CTNND2: variants seen among roughly 807,000 people sequenced by gnomAD.
CTNND2 encodes the protein catenin delta-2.
In CTNND2, 22 loss-of-function variants were observed where a neutral mutation model predicts 144.4. The observed-to-expected ratio is 0.15, with a 90% CI of 0.11 to 0.22. The LOEUF (loss-of-function observed/expected upper bound fraction) is 0.22. CTNND2 is among the 10% of genes least tolerant of loss of function. CTNND2 has a pLI of 1.00. For missense variants in CTNND2, 1,353 were observed against 1,618.8 expected (o/e 0.84, Z 2.82); for synonymous variants, 751 against 695.6 (o/e 1.08, Z -1.25).
At chr5:11,270,481 A>G (rs578198497) in intron 9 of CTNND2, among the ~76,000 whole-genome samples, 1 of 152,290 alleles carries the variant, frequency 6.6e-6, no homozygotes, top group African/African-American at 2.4e-5. Flanking sequence ...TAAAAAAAAA[A>G]AAAAAATCCA....
intron 1 of CTNND2, among the ~76,000 whole-genome samples, chr5:11,827,763 C>T (rs900827050): frequency 1.3e-5 from 2 of 152,300 alleles, no homozygotes; most frequent in Admixed American, 1.3e-4. Context: ...GTATAACTTT[C>T]TCCCTCTTAT....
chr5:11,898,317 C>A (rs1737567826), intron 1 of CTNND2, among the ~76,000 whole-genome samples: 1 of 152,204 alleles, frequency 6.6e-6, no homozygotes, highest in Non-Finnish European at 1.5e-5. Flanking sequence ...ATATACCTTT[C>A]TGTGGTTTAT....
At chr5:11,159,823 C>T in intron 11 of CTNND2, 64 bp from the exon 12 acceptor site, 1 of 1,347,108 alleles carries the variant, frequency 7.4e-7, no homozygotes, top group Non-Finnish European at 1.0e-6. Flanking sequence ...CCAAAACTGT[C>T]TTCCTTATTT....
chr5:11,278,361 T>C (rs192110371), intron 9 of CTNND2, among the ~76,000 whole-genome samples: 2 of 152,358 alleles, frequency 1.3e-5, no homozygotes, highest in East Asian at 1.9e-4. Context: ...CAAATATTCA[T>C]GGAGCACCTC....
chr5:11,744,700 T>C (rs201606998), intron 1 of CTNND2, among the ~76,000 whole-genome samples: 2,596 of 136,658 alleles, frequency 0.019, 47 homozygotes, highest in African/African-American at 0.055. Flanking sequence ...TGTGTGCGTG[T>C]GTGTGTGTGT....
At position 11,802,168 on chromosome 5, in the gene CTNND2, G is replaced by T. The variant is rs567135316; in HGVS notation, c.38-69896C>A. Among the ~76,000 whole-genome samples the T allele has an allele frequency of 1.5e-4, 23 of 150,564 alleles. No homozygotes were observed. The East Asian group carries it at 4.1e-3, about 27-fold the overall frequency. On this transcript the variant is annotated intron_variant, in intron 1 of 21. Transcript: ENST00000304623. ...ATGCCTGTAATCCCAGCTACTCAGG[G>T]GGCTGAGGCAGGAGAATCGCTTGAA...
At chr5:11,680,493 A>G (rs1225162246) in intron 2 of CTNND2, among the ~76,000 whole-genome samples, 1 of 152,124 alleles carries the variant, frequency 6.6e-6, no homozygotes, top group Non-Finnish European at 1.5e-5. Context: ...CCTACAACAA[A>G]TGGAATCATG....
chr5:11,094,490 T>C (rs1185843980), intron 15 of CTNND2, among the ~76,000 whole-genome samples: 2 of 150,156 alleles, frequency 1.3e-5, no homozygotes, highest in Non-Finnish European at 3.0e-5. Flanking sequence ...CTTTTTTTTT[T>C]TTTTTTTTGA....
chr5:11,029,337 G>A (rs1411311221), intron 16 of CTNND2, among the ~76,000 whole-genome samples: 2 of 152,030 alleles, frequency 1.3e-5, no homozygotes, highest in African/African-American at 4.8e-5. Flanking sequence ...TTTTCTATAT[G>A]CCTTGTAGCT....
intron 18 of CTNND2, among the ~76,000 whole-genome samples, chr5:11,013,775 G>A (rs1741330084): frequency 6.6e-6 from 1 of 152,158 alleles, no homozygotes; most frequent in Admixed American, 6.5e-5. Context: ...CAAACCTTTT[G>A]CAGGGGTTAT....
intron 2 of CTNND2, among the ~76,000 whole-genome samples, chr5:11,599,783 C>T (rs998942092): frequency 3.9e-5 from 6 of 152,114 alleles, no homozygotes; most frequent in African/African-American, 1.4e-4. Context: ...AGGAAGCTTG[C>T]TATTCTGGTG....
chr5:11,641,543 A>ACACATATACACGTATATGTATG (rs1782002768), intron 2 of CTNND2, among the ~76,000 whole-genome samples: 1 of 151,548 alleles, frequency 6.6e-6, no homozygotes, highest in Non-Finnish European at 1.5e-5. Context: ...ATGTATATGC[A>ACACATATACACGTATATGTATG]TACATATGGG....
intron 18 of CTNND2, among the ~76,000 whole-genome samples, chr5:10,999,866 T>C (rs1441370767): frequency 6.6e-6 from 1 of 152,226 alleles, no homozygotes; most frequent in African/African-American, 2.4e-5. Context: ...AAGTTTTCAA[T>C]GTGTTTCTTA....
intron 2 of CTNND2, among the ~76,000 whole-genome samples, chr5:11,647,226 T>C (rs2561606): frequency 0.17 from 26,396 of 152,036 alleles, 5,185 homozygotes; most frequent in African/African-American, 0.47. Flanking sequence ...ACCCCAATTC[T>C]TTTGTCAATT....
chr5:11,759,638 A>T lies in CTNND2; in HGVS notation c.38-27366T>A, dbSNP rs13361328. ...ACTGATCTCAGCATGTATGCTAAAG[A>T]TTATCTATACATGGATTGTTATACA... On this transcript the variant is annotated intron_variant, in intron 1 of 21. Coordinates refer to ENST00000304623, the MANE Select transcript of CTNND2 (RefSeq NM_001332.4). Among the ~76,000 whole-genome samples, 1,371 of 152,264 alleles carry T rather than the reference A, an allele frequency of 9.0e-3. 15 individuals carry two copies. The highest frequency in any genetic ancestry group is 0.031 in the African/African-American group (1,271 of 41,562).
At chr5:11,677,718 A>G (rs1784239613) in intron 2 of CTNND2, among the ~76,000 whole-genome samples, 1 of 152,166 alleles carries the variant, frequency 6.6e-6, no homozygotes, top group South Asian at 2.1e-4. Flanking sequence ...AGTCATTCAA[A>G]AACCGTGAAA....
At chr5:11,531,740 T>A (rs983375184) in intron 3 of CTNND2, among the ~76,000 whole-genome samples, 3 of 152,134 alleles carry the variant, frequency 2.0e-5, no homozygotes, top group Admixed American at 1.3e-4. Context: ...AAGGATGAAA[T>A]AAAAACACTC....
At chr5:11,827,439 A>G (rs976513747) in intron 1 of CTNND2, among the ~76,000 whole-genome samples, 1 of 152,212 alleles carries the variant, frequency 6.6e-6, no homozygotes, top group African/African-American at 2.4e-5. Flanking sequence ...TGAATAAAAC[A>G]AAGATAGAAA....
intron 12 of CTNND2, among the ~76,000 whole-genome samples, chr5:11,119,830 T>C (rs1753902290): frequency 6.6e-6 from 1 of 152,198 alleles, no homozygotes; most frequent in Non-Finnish European, 1.5e-5. Flanking sequence ...CACCCTGATC[T>C]GAAAAAAACC....
Sources: gnomAD v4.1 joint callset for allele counts (sites outside exome capture counted in the v4.1 genomes callset) on GRCh38, gnomAD v4.1.1 for gene constraint, MANE v1.5 for transcripts, NCBI Gene and HGNC (gene_info 2026-07-23, HGNC 2026-07-21) for gene names.